The following SS18 variants were observed in gnomAD, a reference collection of about 807,000 sequenced individuals.
SS18 encodes the protein protein SSXT.
Under a neutral mutation model 72.5 loss-of-function variants are expected in SS18, and 28 were observed. The ratio of observed to expected loss-of-function variants is 0.39; its 90% CI spans 0.29 to 0.53. The LOEUF is 0.53. Among genes scored for constraint, SS18 ranks in the 20% least tolerant of loss-of-function variants. SS18 has a pLI of 0.76. For synonymous variants in SS18, 172 were observed against 164.2 expected (o/e 1.05, Z -0.37); for missense variants, 518 against 535.3 (o/e 0.97, Z 0.32).
At chr18:26,090,889 G>A (rs560829140), upstream of SS18, 16 of 384,824 alleles carry the variant, frequency 4.2e-5, no homozygotes, top group African/African-American at 3.4e-4. Flanking sequence ...CTCCGCTTCA[G>A]CGATTCAGGA....
chr18:26,051,654 C>A (rs1278413559), intron 5 of SS18, among the ~76,000 whole-genome samples: 2 of 151,872 alleles, frequency 1.3e-5, no homozygotes, highest in African/African-American at 4.8e-5. Context: ...TTTAATTGAC[C>A]TAATAAAAAC....
intron 4 of SS18, among the ~76,000 whole-genome samples, chr18:26,055,761 T>TG (rs1262301956): frequency 3.7e-4 from 54 of 146,486 alleles, no homozygotes; most frequent in African/African-American, 9.8e-4. Context: ...GTTTTTTTTT[T>TG]TTTTGTTTTT....
intron 3 of SS18, among the ~76,000 whole-genome samples, chr18:26,066,822 T>C (rs1043416667): frequency 5.3e-5 from 8 of 152,152 alleles, no homozygotes; most frequent in African/African-American, 1.4e-4. Context: ...TGTGCCCCCA[T>C]AGACAAATTA....
At chr18:26,081,426 G>T (rs1291046987) in intron 2 of SS18, 1 of 152,220 alleles carries the variant, frequency 6.6e-6, no homozygotes, top group Non-Finnish European at 1.5e-5. Context: ...CCTGATCTCA[G>T]GTGATCTGCC....
intron 5 of SS18, 45 bp downstream of exon 5, chr18:26,052,579 G>A (rs1029872033): frequency 1.8e-5 from 26 of 1,483,156 alleles, no homozygotes; most frequent in Middle Eastern, 1.7e-4. Flanking sequence ...ACTTTTCAAA[G>A]GCTAATAGAG....
rs1190437654 is a variant in SS18 at position 26,027,645 on chromosome 18, C to CTGG, written c.1230+4751_1230+4753dup. On this transcript the variant is annotated intron_variant, in intron 10 of 10. Transcript: ENST00000415083. Reference sequence around the variant, plus strand: ...TGAGATCGCGCCACTGCACACCAGCCTGGTGGTGACAGAGCGAGACTCATC... The same window carrying CTGG: ...TGAGATCGCGCCACTGCACACCAGCCTGGTGGTGGTGACAGAGCGAGACTCATC... 3.9e-5 allele frequency among the ~76,000 whole-genome samples: 5 copies of CTGG among 127,358 alleles called. No individual in the cohort carries two copies. The East Asian group carries it at 1.1e-3, about 28-fold the overall frequency. 83.6% of individuals were successfully genotyped at this position (127,358 alleles called of 152,430 possible). A position where few individuals can be genotyped will look rare whatever the true frequency, so the allele number is the denominator to read the frequency against.
At chr18:26,022,703 CAAGA>C (rs1300086980) in intron 10 of SS18, among the ~76,000 whole-genome samples, 1 of 152,204 alleles carries the variant, frequency 6.6e-6, no homozygotes, top group African/African-American at 2.4e-5. Flanking sequence ...GAGTACCCTA[CAAGA>C]AAGATCTGCC....
At chr18:26,041,128 T>TTAGA (rs2143898898) in intron 5 of SS18, among the ~76,000 whole-genome samples, 1 of 152,284 alleles carries the variant, frequency 6.6e-6, no homozygotes, top group Non-Finnish European at 1.5e-5. Flanking sequence ...ACATAAGCTA[T>TTAGA]AACAAATTCG....
At chr18:26,065,633 A>T (rs1205358269) in intron 3 of SS18, among the ~76,000 whole-genome samples, 1 of 151,562 alleles carries the variant, frequency 6.6e-6, no homozygotes, top group Non-Finnish European at 1.5e-5. Flanking sequence ...CAGGATACAG[A>T]ATTATCCCTT....
intron 4 of SS18, among the ~76,000 whole-genome samples, chr18:26,057,065 A>G (rs1375182530): frequency 2.0e-5 from 3 of 152,172 alleles, no homozygotes; most frequent in Non-Finnish European, 4.4e-5. Context: ...CAATTCCAAT[A>G]TTTATGTTAT....
chr18:26,019,015 C>A (rs2053297757), intron 10 of SS18, among the ~76,000 whole-genome samples: 1 of 151,984 alleles, frequency 6.6e-6, no homozygotes, highest in Non-Finnish European at 1.5e-5. Flanking sequence ...GACTTGAAGA[C>A]CCTCAGGATG....
intron 5 of SS18, among the ~76,000 whole-genome samples, chr18:26,048,875 C>T (rs2053875376): frequency 1.3e-5 from 2 of 152,150 alleles, no homozygotes; most frequent in Non-Finnish European, 2.9e-5. Context: ...TTTTTGTGTT[C>T]ACCTTTTTAA....
chr18:26,052,641 C>A lies in SS18; in HGVS notation c.590G>T (p.Ser197Ile). The change falls in exon 5 of 11, where the codon AGT (serine) becomes ATT (isoleucine). Residue 197 changes from serine to isoleucine, a missense_variant. Coordinates refer to ENST00000415083, the MANE Select transcript of SS18 (RefSeq NM_001007559.3). Reference protein sequence around the residue: ...MGNYGPRPNMSMQPNQGPMMH... With the variant: ...MGNYGPRPNMIMQPNQGPMMH... ...TTAGTTACCTTGGTTTGGCTGCATACTCATATTTGGTCTGGGACCATAGTT... is the reference window on the plus strand; with the variant it reads ...TTAGTTACCTTGGTTTGGCTGCATAATCATATTTGGTCTGGGACCATAGTT... 6.2e-7 allele frequency: 1 copy of A among 1,614,026 alleles called. No homozygotes were observed. Among genetic ancestry groups the A allele is most frequent in the Non-Finnish European group, 8.5e-7 (1 of 1,179,906 alleles).
At position 26,052,705 on chromosome 18, in the gene SS18, G is replaced by C; in HGVS notation, c.526C>G (p.Gln176Glu). The change falls in exon 5 of 11, where the codon CAG (glutamine) becomes GAG (glutamate). Residue 176 changes from glutamine (Q) to glutamate (E), a missense_variant. Gln to Glu is a conservative substitution (Grantham distance 29, BLOSUM62 2). Coordinates refer to ENST00000415083, the MANE Select transcript of SS18 (RefSeq NM_001007559.3). ...SVPSSQSMPVQNQMTMSQGQP... is the reference protein window; with the variant it reads ...SVPSSQSMPVENQMTMSQGQP... The stretch of plus-strand genomic sequence containing the variant: ...CCCTGACTCATTGTCATCTGATTCT[G>C]TACTGGCATGCTCTGTGATGATGGC... 2 of 1,614,138 alleles carry C rather than the reference G, an allele frequency of 1.2e-6. No homozygotes were observed. The highest frequency in any genetic ancestry group is 1.7e-6 in the Non-Finnish European group (2 of 1,179,998).
chr18:26,069,440 G>A (rs775801318), intron 3 of SS18, among the ~76,000 whole-genome samples: 24 of 147,276 alleles, frequency 1.6e-4, no homozygotes, highest in East Asian at 6.0e-4. Context: ...ATACTTAACT[G>A]TACATTAGAA....
chr18:26,045,564 T>C (rs1003388351), intron 5 of SS18, among the ~76,000 whole-genome samples: 13 of 152,196 alleles, frequency 8.5e-5, no homozygotes, highest in African/African-American at 2.9e-4. Flanking sequence ...ACACATATCA[T>C]CTGACATATT....
At chr18:26,071,127 G>A (rs2054303180) in intron 3 of SS18, among the ~76,000 whole-genome samples, 1 of 152,108 alleles carries the variant, frequency 6.6e-6, no homozygotes, top group African/African-American at 2.4e-5. Context: ...CAGTTACAAG[G>A]TCTAGTCTAA....
chr18:26,025,766 G>C (rs946344953), intron 10 of SS18, among the ~76,000 whole-genome samples: 4 of 151,174 alleles, frequency 2.6e-5, no homozygotes, highest in African/African-American at 9.7e-5. Flanking sequence ...ATTTTAGAAA[G>C]AATAATGCCA....
At chr18:26,041,430 C>CCAAAA (rs200827250) in intron 5 of SS18, among the ~76,000 whole-genome samples, 2,308 of 152,110 alleles carry the variant, frequency 0.015, 61 homozygotes, top group African/African-American at 0.053. Context: ...GCCTCAAAAA[C>CCAAAA]CAAAACAAAA....
Sources: gnomAD v4.1 joint callset for allele counts (sites outside exome capture counted in the v4.1 genomes callset) on GRCh38, gnomAD v4.1.1 for gene constraint, MANE v1.5 for transcripts, NCBI Gene and HGNC (gene_info 2026-07-23, HGNC 2026-07-21) for gene names.